Variants in AGO2 observed in about 807,000 individuals in gnomAD.
The protein encoded by AGO2 is protein argonaute-2.
AGO2 carries 5 observed loss-of-function variants against 102.3 expected under a neutral mutation model. The observed-to-expected ratio is 0.05, with a 90% CI of 0.03 to 0.10. AGO2 has a LOEUF of 0.10. Among genes scored for constraint, AGO2 ranks in the 10% least tolerant of loss-of-function variants. The pLI, the probability that AGO2 is intolerant of heterozygous loss-of-function variation, is 1.00. For synonymous variants in AGO2, 449 were observed against 473.1 expected (o/e 0.95, Z 0.66); for missense variants, 541 against 1,183.7 (o/e 0.46, Z 7.97).
chr8:140,550,235 C>T (rs577849802), intron 11 of AGO2, among the ~76,000 whole-genome samples: 1 of 152,372 alleles, frequency 6.6e-6, no homozygotes, highest in African/African-American at 2.4e-5. Flanking sequence ...GAGGGCCATG[C>T]TGGTTCGCAG....
intron 17 of AGO2, among the ~76,000 whole-genome samples, chr8:140,533,389 C>CAA (rs371478800): frequency 3.1e-5 from 3 of 96,230 alleles, no homozygotes; most frequent in Non-Finnish European, 4.4e-5. Flanking sequence ...ACTCCGTCTC[C>CAA]AAAAAAAAAA....
rs1439873997 is a variant in AGO2, at chr8:140,595,800, T to C, written c.23-10489A>G. On this transcript the variant is annotated intron_variant, in intron 1 of 18. Transcript: ENST00000220592. ...TACAATTGTATATACAATTATATTA[T>C]ATACAATTGTATATATTATATTTAT... Among the ~76,000 whole-genome samples the C allele has an allele frequency of 6.3e-3, 303 of 48,188 alleles. 3 individuals are homozygous for C. Among genetic ancestry groups the C allele is most frequent in the African/African-American group, 0.016 (290 of 18,706 alleles). 31.6% of individuals were successfully genotyped at this position (48,188 alleles called of 152,430 possible).
chr8:140,545,341 G>A (rs527505921), intron 13 of AGO2, among the ~76,000 whole-genome samples: 6 of 152,270 alleles, frequency 3.9e-5, no homozygotes, highest in South Asian at 2.1e-4. Flanking sequence ...CTCAGGCCTC[G>A]CTGCGTCTGG....
intron 1 of AGO2, among the ~76,000 whole-genome samples, chr8:140,632,217 T>C (rs2074351145): frequency 6.6e-6 from 1 of 152,274 alleles, no homozygotes; most frequent in Admixed American, 6.5e-5. Context: ...TTTTTTCCTA[T>C]GCACTTACTT....
chr8:140,581,512 C>T (rs1588476587), intron 2 of AGO2, among the ~76,000 whole-genome samples: 1 of 152,008 alleles, frequency 6.6e-6, no homozygotes, highest in Non-Finnish European at 1.5e-5. Context: ...GAGCAAGATC[C>T]TGTCTCTAAA....
chr8:140,638,806 C>T (rs1428136867), upstream of AGO2, among the ~76,000 whole-genome samples: 1 of 152,156 alleles, frequency 6.6e-6, no homozygotes, highest in Non-Finnish European at 1.5e-5. Context: ...AACTGCTTGG[C>T]CCAAGTGATC....
At chr8:140,636,781 G>A (rs533646282), upstream of AGO2, 1 of 152,230 alleles carries the variant, frequency 6.6e-6, no homozygotes, top group Non-Finnish European at 1.5e-5. Flanking sequence ...GAAATGTGTA[G>A]TAATGAACAC....
chr8:140,562,512 G>A lies in AGO2; in HGVS notation c.459C>T (p.Ser153=), dbSNP rs746068311. Residue 153 remains serine (S), a synonymous_variant, in exon 4 of 19, where the codon AGC becomes AGT. Coordinates refer to ENST00000220592, the MANE Select transcript of AGO2 (RefSeq NM_012154.5). ...LHDALSGRLP[S]VPFETIQALD... ...GGGCCTGGATCGTCTCAAAAGGGAC[G>A]CTGGGCAGCCGCCCTGAAAGTGCAT... The A allele has an allele frequency of 2.7e-5, 43 of 1,613,850 alleles. No individual in the cohort carries two copies. Among genetic ancestry groups the A allele is most frequent in the Non-Finnish European group, 3.5e-5 (41 of 1,180,028 alleles).
At chr8:140,593,671 T>A (rs2073779386) in intron 1 of AGO2, among the ~76,000 whole-genome samples, 1 of 151,842 alleles carries the variant, frequency 6.6e-6, no homozygotes, top group African/African-American at 2.4e-5. Context: ...TAAGTTCCCA[T>A]AATTGAAGAA....
At chr8:140,569,692 T>G (rs1419943777) in intron 3 of AGO2, among the ~76,000 whole-genome samples, 1 of 152,160 alleles carries the variant, frequency 6.6e-6, no homozygotes, top group Non-Finnish European at 1.5e-5. Flanking sequence ...GCTGATCAAC[T>G]TGTATAGTTT....
intron 10 of AGO2, among the ~76,000 whole-genome samples, chr8:140,554,256 C>A (rs1245441060): frequency 3.9e-5 from 6 of 152,184 alleles, no homozygotes; most frequent in Non-Finnish European, 8.8e-5. Flanking sequence ...TGGGCTTGGG[C>A]TGTGTTTATA....
At chr8:140,601,347 C>T (rs563402771) in intron 1 of AGO2, among the ~76,000 whole-genome samples, 10 of 152,204 alleles carry the variant, frequency 6.6e-5, no homozygotes, top group Non-Finnish European at 5.9e-5. Context: ...GGTGCATGCC[C>T]CCAGCAGCCC....
intron 1 of AGO2, among the ~76,000 whole-genome samples, chr8:140,606,327 G>A (rs1390935640): frequency 6.6e-6 from 1 of 152,242 alleles, no homozygotes; most frequent in Non-Finnish European, 1.5e-5. Context: ...CAAGCGAGGA[G>A]CATGCAGTTC....
chr8:140,573,899 T>C (rs924898224), intron 2 of AGO2, among the ~76,000 whole-genome samples: 26 of 152,200 alleles, frequency 1.7e-4, no homozygotes, highest in African/African-American at 6.0e-4. Context: ...GCTCCTCTGA[T>C]TGCCAGAAGA....
chr8:140,629,023 G>A (rs62530026), intron 1 of AGO2, among the ~76,000 whole-genome samples: 13,014 of 152,074 alleles, frequency 0.086, 633 homozygotes, highest in Non-Finnish European at 0.11. Context: ...CCTGGGAGGC[G>A]GAGGTTGCAG....
chr8:140,631,091 C>G (rs1375410055), intron 1 of AGO2, among the ~76,000 whole-genome samples: 1 of 152,108 alleles, frequency 6.6e-6, no homozygotes, highest in Non-Finnish European at 1.5e-5. Context: ...TTAAATGTGT[C>G]AGAATTAAAA....
Position 140,532,591 on chromosome 8 carries a change from G to T in AGO2, c.2296C>A (p.His766Asn). Reference sequence around the variant, plus strand: ...AAACGATTGTCGTCCCAGAGGACGTGATAGTGCGAAGGCCTGCTTGTCCCC... The same window carrying T: ...AAACGATTGTCGTCCCAGAGGACGTTATAGTGCGAAGGCCTGCTTGTCCCC... ...IQGTSRPSHY[H>N]VLWDDNRFSS... The change falls in exon 18 of 19, where the codon CAC becomes AAC. Residue 766 changes from histidine (H) to asparagine (N), a missense_variant. His to Asn is a moderately conservative substitution (Grantham distance 68). Transcript: ENST00000220592. 1 of 1,614,262 alleles carries T rather than the reference G, an allele frequency of 6.2e-7. No homozygotes were observed. Among genetic ancestry groups the T allele is most frequent in the South Asian group, 1.1e-5 (1 of 91,084 alleles).
intron 3 of AGO2, among the ~76,000 whole-genome samples, chr8:140,565,461 A>T (rs1393871570): frequency 6.8e-6 from 1 of 147,836 alleles, no homozygotes; most frequent in Non-Finnish European, 1.5e-5. Context: ...AAACCCAAAA[A>T]CCAAAAAACA....
chr8:140,632,218 G>A (rs1338383093), intron 1 of AGO2, among the ~76,000 whole-genome samples: 3 of 152,192 alleles, frequency 2.0e-5, no homozygotes, highest in African/African-American at 7.2e-5. Flanking sequence ...TTTTTCCTAT[G>A]CACTTACTTA....
Sources: gnomAD v4.1 joint callset for allele counts (sites outside exome capture counted in the v4.1 genomes callset) on GRCh38, gnomAD v4.1.1 for gene constraint, MANE v1.5 for transcripts, NCBI Gene and HGNC (gene_info 2026-07-23, HGNC 2026-07-21) for gene names.